Variants in HSD17B2 observed in about 807,000 individuals in gnomAD.
The protein encoded by HSD17B2 is 17-beta-hydroxysteroid dehydrogenase type 2.
HSD17B2 carries 32 observed loss-of-function variants against 26.9 expected under a neutral mutation model. That is an observed-to-expected ratio of 1.19 (90% CI 0.90 to 1.60). The LOEUF is 1.60. HSD17B2 is among the 40% of genes most tolerant of loss of function. The pLI, the probability that HSD17B2 is intolerant of heterozygous loss-of-function variation, is 0.00. For synonymous variants in HSD17B2, 246 were observed against 186.7 expected, an observed-to-expected ratio of 1.32 and a Z score of -2.59; for missense variants, 613 against 468.6, an observed-to-expected ratio of 1.31 and a Z score of -2.85.
rs76032925 is a variant in HSD17B2 at position 82,054,739 on chromosome 16, T to C, written c.266-13431T>C. 4.0e-3 allele frequency among the ~76,000 whole-genome samples: 615 copies of C among 152,230 alleles called. 4 individuals are homozygous for C. Among genetic ancestry groups the C allele is most frequent in the African/African-American group, 0.014 (562 of 41,534 alleles). On this transcript the variant is annotated intron_variant, in intron 1 of 4. Transcript: ENST00000199936. ...TTTCTCTTCCCACTCCCACTTCATC[T>C]CTTTGAGATGTCATTTTTTCCTCTT...
At chr16:82,055,255 G>A (rs1284528883) in intron 1 of HSD17B2, among the ~76,000 whole-genome samples, 1 of 152,200 alleles carries the variant, frequency 6.6e-6, no homozygotes, top group Non-Finnish European at 1.5e-5. Flanking sequence ...CTGTCTGAGA[G>A]CCTTTGCACC....
chr16:82,090,884 C>G lies in HSD17B2; in HGVS notation c.665-18C>G. 6.3e-7 allele frequency: 1 copy of G among 1,586,222 alleles called. No individual in the cohort carries two copies. Among genetic ancestry groups the G allele is most frequent in the Non-Finnish European group, 8.6e-7 (1 of 1,169,168 alleles). On this transcript the variant is annotated intron_variant, in intron 3 of 4. Coordinates refer to ENST00000199936, the MANE Select transcript of HSD17B2 (RefSeq NM_002153.3). The stretch of plus-strand genomic sequence containing the variant: ...AACATTTCTAACTTTGCTTCTTTTT[C>G]TCCCATTATTCCCATAGGAGGGGCC...
intron 4 of HSD17B2, chr16:82,097,361 A>ATATATGTG (rs1567595584): frequency 6.6e-5 from 8 of 120,996 alleles, no homozygotes; most frequent in South Asian, 3.0e-4. Context: ...ACACACACAC[A>ATATATGTG]CACACACACA....
rs8191245 is a variant in HSD17B2, at chr16:82,098,208, G to A, written c.936G>A (p.Ser312=). The change falls in exon 5 of 5, where the codon TCG becomes TCA. Residue 312 remains serine (S), a synonymous_variant. Transcript: ENST00000199936. ...AQRNFLLLIN[S]LASKDFSPVL... ...GGAATTTCCTCCTATTGATCAACTCGTTAGCCAGCAAGGACTTCTCTCCGG... is the reference window on the plus strand; with the variant it reads ...GGAATTTCCTCCTATTGATCAACTCATTAGCCAGCAAGGACTTCTCTCCGG... 7.9e-3 allele frequency: 12,830 copies of A among 1,614,124 alleles called. 92 individuals carry two copies. Among genetic ancestry groups the A allele is most frequent in the Non-Finnish European group, 8.9e-3 (10,552 of 1,180,004 alleles).
intron 1 of HSD17B2, among the ~76,000 whole-genome samples, chr16:82,054,493 T>C (rs1410409465): frequency 6.6e-6 from 1 of 152,118 alleles, no homozygotes; most frequent in African/African-American, 2.4e-5. Flanking sequence ...TACAGGTGTG[T>C]GCCACCAGAG....
intron 1 of HSD17B2, among the ~76,000 whole-genome samples, chr16:82,038,159 C>G (rs913940359): frequency 6.6e-6 from 1 of 152,108 alleles, no homozygotes; most frequent in Non-Finnish European, 1.5e-5. Context: ...TGACTTTTTT[C>G]TCCCCTTTGA....
intron 1 of HSD17B2, among the ~76,000 whole-genome samples, chr16:82,043,164 C>T (rs539692792): frequency 5.3e-5 from 8 of 152,288 alleles, no homozygotes; most frequent in Non-Finnish European, 1.2e-4. Flanking sequence ...GAAAGAAGCT[C>T]GTCTTGGGCC....
chr16:82,076,557 A>G (rs1904303398), intron 3 of HSD17B2, among the ~76,000 whole-genome samples: 1 of 152,238 alleles, frequency 6.6e-6, no homozygotes, highest in African/African-American at 2.4e-5. Context: ...TACGAAATCA[A>G]CATACAAAAA....
At chr16:82,066,731 TATTA>T (rs1208167840) in intron 1 of HSD17B2, among the ~76,000 whole-genome samples, 2 of 152,118 alleles carry the variant, frequency 1.3e-5, no homozygotes, top group Non-Finnish European at 2.9e-5. Flanking sequence ...AATTGGATTT[TATTA>T]ATTATTATTA....
At chr16:82,076,242 G>C (rs369996562) in intron 3 of HSD17B2, among the ~76,000 whole-genome samples, 1 of 151,984 alleles carries the variant, frequency 6.6e-6, no homozygotes, top group East Asian at 1.9e-4. Flanking sequence ...ACATCTCAAC[G>C]TAACAAAAGC....
chr16:82,093,850 G>C (rs1210485843), intron 4 of HSD17B2: 1 of 152,220 alleles, frequency 6.6e-6, no homozygotes, highest in East Asian at 1.9e-4. Context: ...GATTATTCAT[G>C]AGTTTTCTGG....
At chr16:82,080,526 C>T (rs1016835196) in intron 3 of HSD17B2, among the ~76,000 whole-genome samples, 10 of 152,132 alleles carry the variant, frequency 6.6e-5, no homozygotes, top group African/African-American at 2.4e-4. Flanking sequence ...TCCCCTAGAG[C>T]CTCCAGAAGG....
At chr16:82,074,354 G>A (rs1014139482) in intron 3 of HSD17B2, among the ~76,000 whole-genome samples, 1 of 152,096 alleles carries the variant, frequency 6.6e-6, no homozygotes, top group Admixed American at 6.5e-5. Context: ...TTTATTTGTA[G>A]GACTCAGAAA....
At chr16:82,074,375 T>C (rs999039310) in intron 3 of HSD17B2, among the ~76,000 whole-genome samples, 1 of 152,224 alleles carries the variant, frequency 6.6e-6, no homozygotes, top group Non-Finnish European at 1.5e-5. Flanking sequence ...CCACCCAAGG[T>C]ACTTTATAAA....
At chr16:82,044,993 C>T (rs541065718) in intron 1 of HSD17B2, among the ~76,000 whole-genome samples, 8 of 151,910 alleles carry the variant, frequency 5.3e-5, no homozygotes, top group Admixed American at 4.6e-4. Context: ...TGGTGTGCAC[C>T]TGTAATCCTG....
chr16:82,069,548 A>G (rs1914649970), intron 2 of HSD17B2, among the ~76,000 whole-genome samples: 1 of 151,990 alleles, frequency 6.6e-6, no homozygotes, highest in Non-Finnish European at 1.5e-5. Context: ...TAGCTCTCCA[A>G]TCTTTCTTTC....
intron 1 of HSD17B2, among the ~76,000 whole-genome samples, chr16:82,036,316 TTGTTTG>T (rs1417834623): frequency 1.8e-5 from 2 of 111,486 alleles, no homozygotes; most frequent in East Asian, 2.3e-4. Context: ...AGTTTTTCCC[TTGTTTG>T]TGTGTGTGTG....
At chr16:82,049,550 T>C (rs1351554165) in intron 1 of HSD17B2, among the ~76,000 whole-genome samples, 1 of 152,234 alleles carries the variant, frequency 6.6e-6, no homozygotes, top group Non-Finnish European at 1.5e-5. Context: ...TGTCAGAAGA[T>C]GCTGTGAGCA....
intron 1 of HSD17B2, among the ~76,000 whole-genome samples, chr16:82,037,886 A>G (rs1418265409): frequency 6.6e-6 from 1 of 152,208 alleles, no homozygotes; most frequent in African/African-American, 2.4e-5. Flanking sequence ...TGGAAGAAAT[A>G]GTTTGTATAT....
Sources: allele counts gnomAD v4.1 joint callset (sites outside exome capture counted in the v4.1 genomes callset), GRCh38; gene constraint gnomAD v4.1.1; transcripts MANE v1.5; gene names NCBI Gene and HGNC (gene_info 2026-07-23, HGNC 2026-07-21).